Variants in NBPF9 observed in about 807,000 individuals in gnomAD.
The protein encoded by NBPF9 is NBPF member 9, also known as NBPF family member NBPF9.
A neutral mutation model predicts 97.8 loss-of-function variants in NBPF9; 91 were observed. The ratio of observed to expected loss-of-function variants is 0.93; its 90% confidence interval spans 0.79 to 1.11. The LOEUF (loss-of-function observed/expected upper bound fraction) is 1.11, where lower values mean the gene tolerates loss of function less well. Ranked by LOEUF, NBPF9 falls within the 50% of genes least tolerant of loss-of-function variation. The pLI is 0.00. For missense variants in NBPF9, 992 were observed against 939.5 expected, an observed-to-expected ratio of 1.06 and a Z score of -0.73; for synonymous variants, 334 against 359.5, an observed-to-expected ratio of 0.93 and a Z score of 0.80.
exon 6 of NBPF9, chr1:149,082,421 A>T (rs1315156405): frequency 1.7e-5 from 16 of 952,844 alleles, no homozygotes; most frequent in Non-Finnish European, 2.3e-5. Flanking sequence ...CCAGCGTGCC[A>T]GGTAACCGTC....
rs781809681 is a variant in NBPF9 at position 149,062,097 on chromosome 1, C to A, written c.2247G>T (p.Leu749Phe). ...CCTTCATAGTAAGGTACTCACTGTC[C>A]AAGTCAAGAGCCAAGCCAAGGTACT... Residue 749 changes from leucine to phenylalanine, a missense_variant, in exon 22 of 30, where the codon TTG (leucine) becomes TTT (phenylalanine). By Grantham distance (22) the Leu-to-Phe change is conservative. This residue lies in a region of NBPF9 where 397 missense variants were observed against 213.6 expected (regional missense o/e 1.86). Transcript: ENST00000584027. 10 of 1,209,248 alleles carry A rather than the reference C, an allele frequency of 8.3e-6. 1 individual carries two copies. Among genetic ancestry groups the A allele is most frequent in the Admixed American group, 5.2e-5 (3 of 57,830 alleles). The allele number at this position is 1,209,248 out of a possible 1,614,324, so 74.9% of individuals were successfully genotyped here.
chr1:149,087,693 G>T (rs2081122638), intron 5 of NBPF9, among the ~76,000 whole-genome samples: 1 of 150,542 alleles, frequency 6.6e-6, no homozygotes, highest in Admixed American at 6.6e-5. Flanking sequence ...ACGAAGAACT[G>T]ACTTTTTAAA....
exon 24 of NBPF9, chr1:149,060,549 T>A (rs1304052374): frequency 2.7e-6 from 1 of 366,990 alleles, no homozygotes; most frequent in East Asian, 3.5e-5. Context: ...AAAGCCAACA[T>A]GTTTTTCCTC....
intron 29 of NBPF9, among the ~76,000 whole-genome samples, chr1:149,056,160 CT>C (rs1553648933): frequency 1.3e-5 from 2 of 151,592 alleles, no homozygotes; most frequent in Non-Finnish European, 2.9e-5. Context: ...AGGTGACATA[CT>C]GGTAAGGGAG....
In NBPF9 at chr1:149,059,316, A is replaced by T; in HGVS notation, c.2586-219T>A. 5 of 481,188 alleles carry T rather than the reference A, an allele frequency of 1.0e-5. 2 individuals carry two copies. The highest frequency in any genetic ancestry group is 1.9e-5 in the Non-Finnish European group (5 of 260,064). The allele number at this position is 481,188 out of a possible 1,614,324, so 29.8% of individuals were successfully genotyped here. A position where few individuals can be genotyped will look rare whatever the true frequency, so the allele number is the denominator to read the frequency against. ...GAGAGACAGAGACAGAGACAGAGAG[A>T]AAGTGACCTAGTGAATTGGCCGGGT... On this transcript the variant is annotated intron_variant, in intron 25 of 29. Transcript: ENST00000584027.
chr1:149,059,116 G>C lies in NBPF9; in HGVS notation c.2586-19C>G, dbSNP rs1407482167. On this transcript the variant is annotated intron_variant, in intron 25 of 29. Coordinates refer to ENST00000584027, the Ensembl canonical transcript of NBPF9. ...GCTGAGCCTGGAAAAGTAGGAAAAAGTAAAGAATAAGCCAGGGGGAATCAG... is the reference window on the plus strand; with the variant it reads ...GCTGAGCCTGGAAAAGTAGGAAAAACTAAAGAATAAGCCAGGGGGAATCAG... 1.4e-5 allele frequency: 6 copies of C among 421,444 alleles called. No homozygotes were observed. The highest frequency in any genetic ancestry group is 8.7e-5 in the Admixed American group (2 of 23,036). 26.1% of individuals were successfully genotyped at this position (421,444 alleles called of 1,614,324 possible).
chr1:149,072,890 G>T (rs782104551), exon 14 of NBPF9: 8 of 1,606,572 alleles, frequency 5.0e-6, no homozygotes, highest in South Asian at 1.1e-5. Flanking sequence ...CCCTTAACTG[G>T]GTCAGCTCTC....
At chr1:149,086,425 G>A (rs2081008274) in intron 5 of NBPF9, among the ~76,000 whole-genome samples, 1 of 148,436 alleles carries the variant, frequency 6.7e-6, no homozygotes, top group Admixed American at 6.7e-5. Flanking sequence ...AGTATTAAAC[G>A]AGTTTTATTG....
Position 149,055,906 on chromosome 1 carries a change from A to C in NBPF9, c.3093-7T>G. On this transcript the variant is annotated splice_region_variant and splice_polypyrimidine_tract_variant and intron_variant, in intron 29 of 29. Transcript: ENST00000584027. ...CATCAGCACGCCGTTGAGCCTGGAA[A>C]AGGAGACAAAACTAAAGAAGCAGCC... 6.2e-7 allele frequency: 1 copy of C among 1,611,804 alleles called. No individual in the cohort carries two copies. Among genetic ancestry groups the C allele is most frequent in the Non-Finnish European group, 8.5e-7 (1 of 1,179,842 alleles).
chr1:149,071,896 T>C (rs587701651), intron 14 of NBPF9, among the ~76,000 whole-genome samples: 37 of 151,996 alleles, frequency 2.4e-4, no homozygotes, highest in African/African-American at 8.7e-4. Context: ...TGGCCAAATA[T>C]TGAAAAGACC....
intron 17 of NBPF9, chr1:149,065,988 G>A: frequency 1.8e-6 from 1 of 555,230 alleles, no homozygotes; most frequent in Non-Finnish European, 3.2e-6. Flanking sequence ...AACTGACACA[G>A]GGCTTCAACT....
At chr1:149,055,501 T>G in exon 30 of NBPF9, 2 of 1,516,136 alleles carry the variant, frequency 1.3e-6, no homozygotes, top group Non-Finnish European at 8.9e-7. Context: ...TGAGCACAGG[T>G]TGCCACTGGC....
At chr1:149,076,603 T>C (rs1366533461) in intron 11 of NBPF9, among the ~76,000 whole-genome samples, 1 of 149,848 alleles carries the variant, frequency 6.7e-6, no homozygotes, top group Non-Finnish European at 1.5e-5. Context: ...CCTGGGTTCA[T>C]GCCATTCTCC....
intron 1 of NBPF9, 126 bp from the exon 2 acceptor site, chr1:149,102,973 G>A (rs2082244466): frequency 6.6e-6 from 1 of 151,630 alleles, no homozygotes; most frequent in Non-Finnish European, 1.5e-5. Flanking sequence ...CGAGGGTGGG[G>A]TGCGGGGTCA....
intron 5 of NBPF9, among the ~76,000 whole-genome samples, chr1:149,084,243 A>ATATATATAATATATATACACGTG (rs1575860822): frequency 6.9e-6 from 1 of 145,242 alleles, no homozygotes. Context: ...TGGCACACGT[A>ATATATATAATATATATACACGTG]TATATATATA....
intron 7 of NBPF9, 116 bp from the exon 8 acceptor site, chr1:149,080,271 G>A: frequency 1.6e-6 from 1 of 643,888 alleles, no homozygotes; most frequent in East Asian, 2.6e-5. Context: ...CAGTACCAGG[G>A]TCTAGACAGG....
At chr1:149,101,555 A>G (rs1410741793) in intron 2 of NBPF9, among the ~76,000 whole-genome samples, 176 bp from the exon 3 acceptor site, 135 of 152,396 alleles carry the variant, frequency 8.9e-4, no homozygotes, top group African/African-American at 3.1e-3. Flanking sequence ...CAAGCATATC[A>G]ATGAAAACTG....
At chr1:149,099,526 A>C (rs645212) in intron 3 of NBPF9, among the ~76,000 whole-genome samples, 1 of 152,196 alleles carries the variant, frequency 6.6e-6, no homozygotes, top group Non-Finnish European at 1.5e-5. Context: ...TGAGAATACA[A>C]TGGTGAATAA....
intron 12 of NBPF9, among the ~76,000 whole-genome samples, chr1:149,074,223 A>G (rs1164436085): frequency 1.3e-5 from 2 of 151,394 alleles, no homozygotes. Flanking sequence ...CTGGGGCATG[A>G]AGTAGTGATT....
Sources: allele counts gnomAD v4.1 joint callset (sites outside exome capture counted in the v4.1 genomes callset), GRCh38; gene constraint gnomAD v4.1.1; regional missense constraint gnomAD v4.1.1; transcripts MANE v1.5; gene names NCBI Gene and HGNC (gene_info 2026-07-23, HGNC 2026-07-21).